The following LMX1A variants were observed in gnomAD, a reference collection of about 807,000 sequenced individuals.
The protein encoded by LMX1A is LIM homeobox transcription factor 1-alpha.
A neutral mutation model predicts 49.1 loss-of-function variants in LMX1A; 15 were observed. That is an observed-to-expected ratio of 0.31 (90% CI 0.20 to 0.47). LMX1A has a LOEUF of 0.47. Among genes scored for constraint, LMX1A ranks in the 20% least tolerant of loss-of-function variants. LMX1A has a pLI of 1.00. For synonymous variants in LMX1A, 167 were observed against 185.7 expected (o/e 0.90, Z 0.82); for missense variants, 372 against 475.8 (o/e 0.78, Z 2.03).
At chr1:165,294,955 C>T (rs1429897470) in intron 3 of LMX1A, among the ~76,000 whole-genome samples, 1 of 152,092 alleles carries the variant, frequency 6.6e-6, no homozygotes, top group Non-Finnish European at 1.5e-5. Context: ...CAGAGCAAGA[C>T]TCCATCTCAA....
chr1:165,275,713 A>G (rs1653943837), intron 3 of LMX1A, among the ~76,000 whole-genome samples: 1 of 152,122 alleles, frequency 6.6e-6, no homozygotes, highest in South Asian at 2.1e-4. Context: ...GGGCTGGTGG[A>G]GGGGACGAGG....
Position 165,210,774 on chromosome 1 carries a change from C to A in LMX1A, c.672G>T (p.Val224=), listed in dbSNP as rs924978947. ...CTGTCTCTGCAGCCAGAGTCTCTCT[C>A]ACCTTGGAAAAATTGAACGAGAAAT... ...FEVSSKPCRK[V]RETLAAETGL... The change falls in exon 6 of 9, where the codon GTG becomes GTT. Residue 224 remains valine (V), a splice_region_variant and synonymous_variant. Coordinates refer to ENST00000342310, the MANE Select transcript of LMX1A (RefSeq NM_177398.4). 1 of 1,613,298 alleles carries A rather than the reference C, an allele frequency of 6.2e-7. No homozygotes were observed. The highest frequency in any genetic ancestry group is 2.2e-5 in the East Asian group (1 of 44,888).
intron 3 of LMX1A, among the ~76,000 whole-genome samples, chr1:165,284,275 T>C (rs1318281813): frequency 1.3e-5 from 2 of 152,256 alleles, no homozygotes; most frequent in African/African-American, 4.8e-5. Flanking sequence ...TGTAAATGTA[T>C]GGATTATTAA....
At chr1:165,299,664 C>T (rs992976441) in intron 3 of LMX1A, among the ~76,000 whole-genome samples, 4 of 151,294 alleles carry the variant, frequency 2.6e-5, no homozygotes, top group African/African-American at 9.7e-5. Flanking sequence ...GAAAAGTCAA[C>T]ACCAAGTTAA....
intron 3 of LMX1A, among the ~76,000 whole-genome samples, chr1:165,300,527 G>T (rs1380629251): frequency 6.6e-6 from 1 of 152,160 alleles, no homozygotes; most frequent in South Asian, 2.1e-4. Flanking sequence ...CTCATCAGCT[G>T]TTCTCAGAAG....
At chr1:165,289,938 A>G (rs1557874741) in intron 3 of LMX1A, among the ~76,000 whole-genome samples, 1 of 152,212 alleles carries the variant, frequency 6.6e-6, no homozygotes, top group Non-Finnish European at 1.5e-5. Context: ...GAACTTCTGA[A>G]ACAATAGTGA....
At chr1:165,254,341 G>A (rs1453525393) in intron 3 of LMX1A, among the ~76,000 whole-genome samples, 1 of 152,204 alleles carries the variant, frequency 6.6e-6, no homozygotes, top group Non-Finnish European at 1.5e-5. Flanking sequence ...AGTGGCGGGA[G>A]TTGTCTGGGC....
chr1:165,282,865 A>G, intron 3 of LMX1A, among the ~76,000 whole-genome samples: 1 of 152,220 alleles, frequency 6.6e-6, no homozygotes, highest in East Asian at 1.9e-4. Flanking sequence ...CAGTCAGAGT[A>G]ATCTTTTTAA....
chr1:165,273,945 C>T (rs1332141105), intron 3 of LMX1A, among the ~76,000 whole-genome samples: 1 of 152,204 alleles, frequency 6.6e-6, no homozygotes, highest in Non-Finnish European at 1.5e-5. Context: ...TCGTGCTCAC[C>T]AACCCTTACA....
chr1:165,230,139 AG>A (rs1481556734), intron 4 of LMX1A, among the ~76,000 whole-genome samples: 4 of 152,228 alleles, frequency 2.6e-5, no homozygotes. Context: ...AGAACCCAGC[AG>A]TGTTTGGACC....
intron 7 of LMX1A, among the ~76,000 whole-genome samples, chr1:165,207,266 G>A (rs1200646787): frequency 2.0e-5 from 3 of 152,170 alleles, no homozygotes; most frequent in Admixed American, 6.5e-5. Context: ...GTGGCCAGGG[G>A]CATAGCGTTT....
chr1:165,275,351 C>A (rs1401623108), intron 3 of LMX1A, among the ~76,000 whole-genome samples: 5 of 152,234 alleles, frequency 3.3e-5, no homozygotes, highest in African/African-American at 1.2e-4. Flanking sequence ...GTGAACAACA[C>A]TCCCCAATAA....
chr1:165,343,369 C>T (rs1420100904), intron 3 of LMX1A, among the ~76,000 whole-genome samples: 1 of 151,444 alleles, frequency 6.6e-6, no homozygotes, highest in African/African-American at 2.4e-5. Flanking sequence ...GCTTCTAAAA[C>T]TATGTATAAG....
chr1:165,269,436 C>G (rs757800137), intron 3 of LMX1A, among the ~76,000 whole-genome samples: 20 of 152,202 alleles, frequency 1.3e-4, no homozygotes, highest in Non-Finnish European at 1.3e-4. Flanking sequence ...AGTAGAACTT[C>G]CTGTGATGAT....
intron 3 of LMX1A, among the ~76,000 whole-genome samples, chr1:165,322,842 C>G (rs12564138): frequency 0.37 from 56,979 of 151,958 alleles, 11,038 homozygotes; most frequent in East Asian, 0.7. Flanking sequence ...AAATTACCCA[C>G]TATGGTTCCT....
intron 3 of LMX1A, among the ~76,000 whole-genome samples, chr1:165,321,201 G>A (rs1321458867): frequency 6.6e-6 from 1 of 152,170 alleles, no homozygotes; most frequent in Non-Finnish European, 1.5e-5. Flanking sequence ...CAAATCCATA[G>A]AAACAGAAAG....
chr1:165,274,756 G>A (rs1653911769), intron 3 of LMX1A, among the ~76,000 whole-genome samples: 1 of 152,176 alleles, frequency 6.6e-6, no homozygotes, highest in Admixed American at 6.5e-5. Context: ...TGCCATGAAG[G>A]TAAAACGTGA....
chr1:165,261,064 A>G (rs74118535), intron 3 of LMX1A, among the ~76,000 whole-genome samples: 2,420 of 152,202 alleles, frequency 0.016, 58 homozygotes, highest in African/African-American at 0.054. Flanking sequence ...ACACTCCAAA[A>G]TCCAGCAGTA....
At chr1:165,305,063 C>T (rs1571212660) in intron 3 of LMX1A, among the ~76,000 whole-genome samples, 1 of 152,190 alleles carries the variant, frequency 6.6e-6, no homozygotes, top group East Asian at 1.9e-4. Context: ...AGAGTGCCCC[C>T]TCCCTGAGAT....
Sources: gnomAD v4.1 joint callset for allele counts (sites outside exome capture counted in the v4.1 genomes callset) on GRCh38, gnomAD v4.1.1 for gene constraint, MANE v1.5 for transcripts, NCBI Gene and HGNC (gene_info 2026-07-23, HGNC 2026-07-21) for gene names.